Variants in NAPB observed in about 807,000 individuals in gnomAD.
NAPB encodes the protein beta-soluble NSF attachment protein.
A neutral mutation model predicts 44.7 loss-of-function variants in NAPB; 26 were observed. That is an observed-to-expected ratio of 0.58 (90% CI 0.43 to 0.81). NAPB has a LOEUF of 0.81. Among genes scored for constraint, NAPB ranks in the 30% least tolerant of loss-of-function variants. The pLI is 0.00. For synonymous variants in NAPB, 120 were observed against 116.8 expected (o/e 1.03, Z -0.18); for missense variants, 315 against 356.4 (o/e 0.88, Z 0.94).
rs763450941 is a variant in NAPB at position 23,379,886 on chromosome 20, C to A, written c.716G>T (p.Arg239Ile). Residue 239 changes from arginine (R) to isoleucine (I), a missense_variant, in exon 9 of 11, where the codon AGA (arginine) becomes ATA (isoleucine). Arg to Ile is a moderately conservative substitution (Grantham distance 97). Around this residue, in one of 3 missense-constraint regions of NAPB, gnomAD observed 120 missense variants for 130.5 expected, o/e 0.92. Coordinates refer to ENST00000377026, the MANE Select transcript of NAPB (RefSeq NM_022080.3). The part of the protein sequence containing the change: ...EEMFPAFTDS[R>I]ECKLLKKLLE... ...ACTTACTTTCAATAATTTACATTCT[C>A]TTGAATCAGTAAATGCTGGAAACAT... The A allele has an allele frequency of 6.8e-6, 11 of 1,612,430 alleles. No homozygotes were observed. Among genetic ancestry groups the A allele is most frequent in the Non-Finnish European group, 9.3e-6 (11 of 1,178,818 alleles).
intron 1 of NAPB, 27 bp downstream of exon 1, chr20:23,421,278 C>G (rs760667024): frequency 2.8e-6 from 4 of 1,434,708 alleles, no homozygotes; most frequent in Non-Finnish European, 3.7e-6. Context: ...CCCCCCCCCC[C>G]CAGGGCACGC....
chr20:23,416,029 C>G (rs1223846948), intron 1 of NAPB, among the ~76,000 whole-genome samples: 1 of 152,154 alleles, frequency 6.6e-6, no homozygotes, highest in Non-Finnish European at 1.5e-5. Flanking sequence ...CTTGGTATAG[C>G]TTTGCTCTTG....
chr20:23,406,527 C>T (rs746874859), intron 1 of NAPB, among the ~76,000 whole-genome samples: 63 of 152,084 alleles, frequency 4.1e-4, no homozygotes, highest in Non-Finnish European at 8.8e-4. Context: ...GACTATGTTA[C>T]ACAGTGAAAG....
chr20:23,390,323 T>C (rs563279784), intron 5 of NAPB, 59 bp from the exon 6 acceptor site: 2 of 1,367,496 alleles, frequency 1.5e-6, no homozygotes, highest in East Asian at 2.3e-5. Flanking sequence ...ATTTTAAAAC[T>C]ACATTTGCAT....
At chr20:23,386,728 T>A (rs1983557164) in intron 7 of NAPB, among the ~76,000 whole-genome samples, 1 of 152,188 alleles carries the variant, frequency 6.6e-6, no homozygotes, top group South Asian at 2.1e-4. Context: ...TTTACATAAC[T>A]CCACTGAGAG....
rs1255768731 is a variant in NAPB, at chr20:23,389,246, A to AC, written c.561+699_561+700insG. 3.4e-4 allele frequency among the ~76,000 whole-genome samples: 51 copies of AC among 151,424 alleles called. 1 individual carries two copies. The highest frequency in any genetic ancestry group is 1.2e-3 in the African/African-American group (48 of 41,344). On this transcript the variant is annotated intron_variant, in intron 7 of 10. Coordinates refer to ENST00000377026, the MANE Select transcript of NAPB (RefSeq NM_022080.3). ...GACTATTATTTAAAAAAAAAAAAAA[A>AC]AAAAAACCAAAACAAGTATTGGTGA...
intron 7 of NAPB, among the ~76,000 whole-genome samples, chr20:23,389,231 TA>T (rs71330886): frequency 2.7e-3 from 309 of 115,380 alleles, no homozygotes; most frequent in Non-Finnish European, 4.1e-3. Context: ...GACTATTATT[TA>T]AAAAAAAAAA....
intron 5 of NAPB, among the ~76,000 whole-genome samples, chr20:23,393,429 C>T (rs950429884): frequency 1.3e-5 from 2 of 152,202 alleles, no homozygotes; most frequent in Admixed American, 6.5e-5. Flanking sequence ...AGTCCAATTT[C>T]AGTAACGCCT....
At chr20:23,395,317 A>G (rs2123191147) in intron 3 of NAPB, 132 bp from the exon 4 acceptor site, 1 of 836,216 alleles carries the variant, frequency 1.2e-6, no homozygotes, top group Non-Finnish European at 1.9e-6. Flanking sequence ...GGGCAGGTTA[A>G]TGAGAAGCAA....
intron 1 of NAPB, among the ~76,000 whole-genome samples, chr20:23,418,133 T>C (rs1285597862): frequency 6.6e-6 from 1 of 152,220 alleles, no homozygotes; most frequent in Non-Finnish European, 1.5e-5. Flanking sequence ...TGAAAACAGA[T>C]GGCTTATCCT....
At chr20:23,420,818 C>T (rs867105848) in intron 1 of NAPB, among the ~76,000 whole-genome samples, 3 of 140,858 alleles carry the variant, frequency 2.1e-5, no homozygotes, top group Non-Finnish European at 4.7e-5. Flanking sequence ...AGCCCCCCCC[C>T]CAGAGTGTTC....
At chr20:23,406,495 AAAAC>A (rs766170774) in intron 1 of NAPB, among the ~76,000 whole-genome samples, 3 of 152,194 alleles carry the variant, frequency 2.0e-5, no homozygotes, top group African/African-American at 7.2e-5. Flanking sequence ...AAAAATCAAA[AAAAC>A]AAACAAAAAC....
intron 5 of NAPB, among the ~76,000 whole-genome samples, chr20:23,390,889 G>C (rs1030974432): frequency 6.6e-6 from 1 of 152,194 alleles, no homozygotes; most frequent in Admixed American, 6.5e-5. Flanking sequence ...CCTAGAATAA[G>C]GGTGTTGCCG....
At chr20:23,417,171 C>A (rs1174416908) in intron 1 of NAPB, among the ~76,000 whole-genome samples, 1 of 151,580 alleles carries the variant, frequency 6.6e-6, no homozygotes, top group Non-Finnish European at 1.5e-5. Context: ...ACAACCTCCA[C>A]CTCCAAGGTT....
intron 7 of NAPB, among the ~76,000 whole-genome samples, chr20:23,386,299 A>T (rs1224374586): frequency 6.6e-6 from 1 of 152,204 alleles, no homozygotes; most frequent in Non-Finnish European, 1.5e-5. Flanking sequence ...TGGAGGAAAT[A>T]ACAATAAAAA....
intron 1 of NAPB, among the ~76,000 whole-genome samples, chr20:23,420,842 G>A (rs1365454358): frequency 6.6e-6 from 1 of 151,032 alleles, no homozygotes; most frequent in Admixed American, 6.6e-5. Flanking sequence ...GGGCTTCGTG[G>A]GGCGCTTGGG....
At chr20:23,418,773 T>G (rs1322148673) in intron 1 of NAPB, among the ~76,000 whole-genome samples, 1 of 127,384 alleles carries the variant, frequency 7.9e-6, no homozygotes, top group African/African-American at 3.2e-5. Flanking sequence ...CCGTCTCTAC[T>G]AAAAATACAA....
chr20:23,381,442 T>C lies in NAPB; in HGVS notation c.562-125A>G, dbSNP rs903061908. Reference sequence around the variant, plus strand: ...ATGTTTGTTTAGCTATGAAATATATTATTTTATCCGAATACCATATAGTAG... The same window carrying C: ...ATGTTTGTTTAGCTATGAAATATATCATTTTATCCGAATACCATATAGTAG... On this transcript the variant is annotated intron_variant, in intron 7 of 10. Transcript: ENST00000377026. 6 of 583,554 alleles carry C rather than the reference T, an allele frequency of 1.0e-5. No homozygotes were observed. The Admixed American group carries it at 2.1e-4, about 20-fold the overall frequency. The allele number at this position is 583,554 out of a possible 1,614,324, so 36.1% of individuals were successfully genotyped here.
intron 10 of NAPB, 23 bp downstream of exon 10, chr20:23,379,422 C>T (rs767246432): frequency 6.4e-7 from 1 of 1,564,062 alleles, no homozygotes; most frequent in Non-Finnish European, 8.7e-7. Context: ...AATAATGTAC[C>T]ATGTCCCAAA....
Sources: allele counts gnomAD v4.1 joint callset (sites outside exome capture counted in the v4.1 genomes callset), GRCh38; gene constraint gnomAD v4.1.1; regional missense constraint gnomAD v4.1.1; transcripts MANE v1.5; gene names NCBI Gene and HGNC (gene_info 2026-07-23, HGNC 2026-07-21).